The following FBXL13 variants were observed in gnomAD, a reference collection of about 807,000 sequenced individuals.
FBXL13 encodes F-box and leucine rich repeat protein 13.
Under a neutral mutation model 83.6 loss-of-function variants are expected in FBXL13, and 67 were observed. That is an observed-to-expected ratio of 0.80 (90% CI 0.66 to 0.98). The LOEUF is 0.98. Ranked by LOEUF, FBXL13 falls within the 50% of genes least tolerant of loss-of-function variation. The pLI is 0.00. For missense variants in FBXL13, 822 were observed against 866.5 expected, an observed-to-expected ratio of 0.95 and a Z score of 0.64; for synonymous variants, 272 against 299.5, an observed-to-expected ratio of 0.91 and a Z score of 0.95.
At chr7:102,870,080 A>G (rs1299851699) in intron 16 of FBXL13, among the ~76,000 whole-genome samples, 4 of 152,224 alleles carry the variant, frequency 2.6e-5, no homozygotes, top group Admixed American at 6.5e-5. Flanking sequence ...AACACATACA[A>G]TTAAAACTAA....
intron 1 of FBXL13, among the ~76,000 whole-genome samples, chr7:103,063,249 A>G (rs1463510613): frequency 1.3e-5 from 2 of 152,220 alleles, no homozygotes; most frequent in Non-Finnish European, 2.9e-5. Flanking sequence ...ATATTTGAAA[A>G]AAAGTTTTAT....
Position 102,826,602 on chromosome 7 carries a change from A to G in FBXL13, c.1855-4399T>C, listed in dbSNP as rs958264596. ...AATACAAAAATTAGCTGGGTATGCT[A>G]GTAGTCCAGCTACTCAGGAGGCTGA... On this transcript the variant is annotated intron_variant, in intron 18 of 19. Transcript: ENST00000313221. 8.7e-5 allele frequency among the ~76,000 whole-genome samples: 13 copies of G among 150,072 alleles called. No homozygotes were observed. The East Asian group carries it at 1.6e-3, about 18-fold the overall frequency.
chr7:103,006,157 C>T (rs916106610), intron 6 of FBXL13, among the ~76,000 whole-genome samples: 2 of 152,118 alleles, frequency 1.3e-5, no homozygotes, highest in African/African-American at 4.8e-5. Flanking sequence ...AGAAGCGGTG[C>T]CAGATAGTCT....
chr7:102,893,097 T>C (rs1202373681), intron 11 of FBXL13, among the ~76,000 whole-genome samples: 1 of 152,238 alleles, frequency 6.6e-6, no homozygotes, highest in Non-Finnish European at 1.5e-5. Context: ...CACAAAACTC[T>C]TGTTGTTCCA....
At chr7:103,067,466 G>T (rs1294406084) in intron 1 of FBXL13, among the ~76,000 whole-genome samples, 1 of 152,218 alleles carries the variant, frequency 6.6e-6, no homozygotes, top group African/African-American at 2.4e-5. Flanking sequence ...GTAATGAAGA[G>T]AATACAGTGA....
intron 16 of FBXL13, chr7:102,874,521 C>T (rs755678478): frequency 3.9e-5 from 10 of 255,190 alleles, no homozygotes; most frequent in Non-Finnish European, 4.9e-5. Context: ...AAAATAAAAA[C>T]AGAGACTAGA....
At chr7:102,890,502 G>A (rs1329951523) in intron 11 of FBXL13, among the ~76,000 whole-genome samples, 1 of 152,214 alleles carries the variant, frequency 6.6e-6, no homozygotes, top group Non-Finnish European at 1.5e-5. Context: ...GGGCAGAAAA[G>A]CTTTGGTGAT....
chr7:102,929,197 A>G (rs1314729663), intron 9 of FBXL13, among the ~76,000 whole-genome samples: 2 of 152,196 alleles, frequency 1.3e-5, no homozygotes, highest in Non-Finnish European at 2.9e-5. Context: ...TGTTTTGAAA[A>G]GATGTTTTAC....
rs148623710 is a variant in FBXL13 at position 102,885,292 on chromosome 7, C to T, written c.1009-980G>A. Among the ~76,000 whole-genome samples the T allele has an allele frequency of 7.4e-3, 1,132 of 152,296 alleles. 17 individuals are homozygous for T. The highest frequency in any genetic ancestry group is 0.026 in the African/African-American group (1,076 of 41,556). ...TTCTCCACATCACCAACACTTATTT[C>T]CCATTAAAACAAATTTCCTTGTGGG... On this transcript the variant is annotated intron_variant, in intron 11 of 19. Transcript: ENST00000313221.
chr7:102,914,175 C>T (rs890897375), intron 10 of FBXL13, among the ~76,000 whole-genome samples: 3 of 152,182 alleles, frequency 2.0e-5, no homozygotes, highest in South Asian at 2.1e-4. Context: ...CTGGTTCAAG[C>T]GATTCTCCTG....
rs567745622 is a variant in FBXL13 at position 102,980,764 on chromosome 7, G to A, written c.496-12647C>T. ...TGCACTCCAGCCTGGGCGACAGAGCGAGACTCCATCTCAAAAAAAAAAAGA... is the reference window on the plus strand; with the variant it reads ...TGCACTCCAGCCTGGGCGACAGAGCAAGACTCCATCTCAAAAAAAAAAAGA... On this transcript the variant is annotated intron_variant, in intron 6 of 19. Coordinates refer to ENST00000313221, the Ensembl canonical transcript of FBXL13. 3.8e-4 allele frequency among the ~76,000 whole-genome samples: 57 copies of A among 151,020 alleles called. No homozygotes were observed. In the South Asian group the frequency reaches 0.011, roughly 30 times the overall value.
intron 16 of FBXL13, among the ~76,000 whole-genome samples, chr7:102,863,259 C>A (rs1807114420): frequency 6.6e-6 from 1 of 152,060 alleles, no homozygotes; most frequent in Non-Finnish European, 1.5e-5. Flanking sequence ...GCTCCAATTT[C>A]TCTATATGGG....
chr7:102,823,947 T>C (rs2129445961), intron 18 of FBXL13, among the ~76,000 whole-genome samples: 1 of 151,864 alleles, frequency 6.6e-6, no homozygotes, highest in East Asian at 1.9e-4. Context: ...CTGATGTCAT[T>C]GATAAAAGAA....
At chr7:103,050,771 CAA>C (rs1796727930) in intron 2 of FBXL13, among the ~76,000 whole-genome samples, 2 of 152,234 alleles carry the variant, frequency 1.3e-5, no homozygotes, top group South Asian at 4.1e-4. Flanking sequence ...CATCAGCTCT[CAA>C]GTTTCCCCTT....
At chr7:103,014,358 C>CA (rs1792003178) in intron 6 of FBXL13, among the ~76,000 whole-genome samples, 1 of 151,218 alleles carries the variant, frequency 6.6e-6, no homozygotes, top group African/African-American at 2.4e-5. Flanking sequence ...CTGTCTCAAA[C>CA]AAAAAAATCA....
At chr7:102,957,696 A>C (rs966424971) in intron 8 of FBXL13, among the ~76,000 whole-genome samples, 24 of 152,070 alleles carry the variant, frequency 1.6e-4, no homozygotes, top group Non-Finnish European at 2.4e-4. Flanking sequence ...AAGAAAAAAA[A>C]CAAACAAACC....
intron 6 of FBXL13, among the ~76,000 whole-genome samples, chr7:102,997,728 T>C (rs575222195): frequency 3.9e-5 from 6 of 152,342 alleles, no homozygotes; most frequent in Middle Eastern, 3.4e-3. Flanking sequence ...GTTCCATCCA[T>C]ATTGCTGCAA....
chr7:102,968,718 G>A (rs1826259114), intron 6 of FBXL13, among the ~76,000 whole-genome samples: 1 of 152,138 alleles, frequency 6.6e-6, no homozygotes, highest in Non-Finnish European at 1.5e-5. Flanking sequence ...AATATGCAAG[G>A]ACCCAATCCT....
intron 17 of FBXL13, among the ~76,000 whole-genome samples, chr7:102,847,211 A>G (rs1374898833): frequency 6.6e-6 from 1 of 152,052 alleles, no homozygotes; most frequent in Non-Finnish European, 1.5e-5. Flanking sequence ...TTACAGGAAA[A>G]AAAAAAAAGC....
Sources: gnomAD v4.1 joint callset for allele counts (sites outside exome capture counted in the v4.1 genomes callset) on GRCh38, gnomAD v4.1.1 for gene constraint, MANE v1.5 for transcripts, NCBI Gene and HGNC (gene_info 2026-07-23, HGNC 2026-07-21) for gene names.